ARB2A: variants seen among roughly 807,000 people sequenced by gnomAD.
The protein encoded by ARB2A is ARB2 cotranscriptional regulator A.
the ARB2A span, chr5:93,824,125 C>A: frequency 6.5e-7 from 1 of 1,544,354 alleles, no homozygotes; most frequent in Non-Finnish European, 8.7e-7. Flanking sequence ...ACTGGAACTA[C>A]AGAGAGTAAA....
chr5:94,091,091 G>C, the ARB2A span, among the ~76,000 whole-genome samples: 1 of 152,098 alleles, frequency 6.6e-6, no homozygotes, highest in Non-Finnish European at 1.5e-5. Context: ...GAAAGAGAAA[G>C]GAAGTGGACG....
the ARB2A span, among the ~76,000 whole-genome samples, chr5:93,758,014 T>G: frequency 1.3e-5 from 2 of 152,152 alleles, no homozygotes; most frequent in African/African-American, 4.8e-5. Context: ...ACCTAACACA[T>G]AAGCACTCAT....
chr5:94,071,169 T>TA, the ARB2A span, among the ~76,000 whole-genome samples: 1 of 152,028 alleles, frequency 6.6e-6, no homozygotes, highest in African/African-American at 2.4e-5. Flanking sequence ...AATGGATAAG[T>TA]AAAATATAGT....
chr5:93,712,529 T>C, the ARB2A span, among the ~76,000 whole-genome samples: 3 of 152,264 alleles, frequency 2.0e-5, no homozygotes, highest in African/African-American at 7.2e-5. Context: ...TCATAGATGT[T>C]ATGGTCCTGT....
chr5:93,919,565 T>C, the ARB2A span, among the ~76,000 whole-genome samples: 4 of 152,178 alleles, frequency 2.6e-5, no homozygotes, highest in South Asian at 2.1e-4. Context: ...GCAATTGTGA[T>C]TGGCAATCAT....
At chr5:93,906,819 G>A in the ARB2A span, among the ~76,000 whole-genome samples, 8 of 151,446 alleles carry the variant, frequency 5.3e-5, no homozygotes, top group East Asian at 3.9e-4. Flanking sequence ...GCCAGGAATC[G>A]GAGCAAAATT....
the ARB2A span, chr5:93,863,080 G>A: frequency 6.6e-6 from 1 of 151,928 alleles, no homozygotes; most frequent in Admixed American, 6.6e-5. Context: ...CTTGCCTCGT[G>A]GGCTCTAGCT....
At chr5:94,087,871 T>C in the ARB2A span, among the ~76,000 whole-genome samples, 2 of 152,210 alleles carry the variant, frequency 1.3e-5, no homozygotes, top group Non-Finnish European at 2.9e-5. Flanking sequence ...ATATATACCA[T>C]ATGTAGCCCA....
At chr5:93,761,510 A>G in the ARB2A span, among the ~76,000 whole-genome samples, 3 of 152,138 alleles carry the variant, frequency 2.0e-5, no homozygotes, top group Non-Finnish European at 4.4e-5. Context: ...GGCTGGGGGA[A>G]GGGCGCCCAC....
chr5:94,000,499 T>TA, the ARB2A span, among the ~76,000 whole-genome samples: 1 of 152,222 alleles, frequency 6.6e-6, no homozygotes, highest in South Asian at 2.1e-4. Context: ...GGCTCATTTA[T>TA]AAAATGGATT....
At chr5:93,918,435 T>C in the ARB2A span, among the ~76,000 whole-genome samples, 35 of 145,538 alleles carry the variant, frequency 2.4e-4, no homozygotes, top group East Asian at 1.4e-3. Flanking sequence ...AATTTCTTTT[T>C]TTTTTTTTTT....
At chr5:94,065,216 T>G in the ARB2A span, among the ~76,000 whole-genome samples, 1 of 152,132 alleles carries the variant, frequency 6.6e-6, no homozygotes, top group African/African-American at 2.4e-5. Context: ...AGAACAGGGA[T>G]GGAGAAAGAC....
chr5:93,954,243 GA>G, the ARB2A span, among the ~76,000 whole-genome samples: 1 of 152,046 alleles, frequency 6.6e-6, no homozygotes, highest in Admixed American at 6.6e-5. Flanking sequence ...GCTCTCACCT[GA>G]AGCCGCACAT....
the ARB2A span, among the ~76,000 whole-genome samples, chr5:94,051,936 C>T: frequency 6.6e-6 from 1 of 152,086 alleles, no homozygotes; most frequent in Admixed American, 6.5e-5. Context: ...ATTCTCATGC[C>T]TCAGCCAACA....
the ARB2A span, among the ~76,000 whole-genome samples, chr5:93,982,302 C>T: frequency 6.6e-6 from 1 of 152,122 alleles, no homozygotes; most frequent in Non-Finnish European, 1.5e-5. Flanking sequence ...TTTTCTACTA[C>T]ATATACACAT....
the ARB2A span, among the ~76,000 whole-genome samples, chr5:93,732,029 T>C: frequency 6.6e-6 from 1 of 152,340 alleles, no homozygotes; most frequent in East Asian, 1.9e-4. Flanking sequence ...CTCATAGCTA[T>C]GCTCCTAGCT....
chr5:94,097,231 G>GCCAGCCTCTA, the ARB2A span, among the ~76,000 whole-genome samples: 3 of 152,180 alleles, frequency 2.0e-5, no homozygotes, highest in Admixed American at 1.3e-4. Context: ...CACCCCGTCT[G>GCCAGCCTCTA]CCAGCCTCTA....
At chr5:94,051,254 C>G in the ARB2A span, among the ~76,000 whole-genome samples, 1 of 152,176 alleles carries the variant, frequency 6.6e-6, no homozygotes, top group African/African-American at 2.4e-5. Context: ...GTCTAAAAAT[C>G]TGCCACTGGG....
chr5:93,665,263 G>C, the ARB2A span, among the ~76,000 whole-genome samples: 8 of 152,198 alleles, frequency 5.3e-5, no homozygotes, highest in African/African-American at 1.7e-4. Context: ...TAATAGTGAA[G>C]TTAATAATGA....
Sources: gnomAD v4.1 joint callset for allele counts (sites outside exome capture counted in the v4.1 genomes callset) on GRCh38, gnomAD v4.1.1 for gene constraint, MANE v1.5 for transcripts, NCBI Gene and HGNC (gene_info 2026-07-23, HGNC 2026-07-21) for gene names.